The following TXLNG variants were observed in gnomAD, a reference collection of about 807,000 sequenced individuals.
TXLNG encodes the protein gamma-taxilin.
In TXLNG, 5 loss-of-function variants were observed where a neutral mutation model predicts 38.8. The ratio of observed to expected loss-of-function variants is 0.13; its 90% confidence interval spans 0.07 to 0.27. The LOEUF (loss-of-function observed/expected upper bound fraction) is 0.27. Ranked by LOEUF, TXLNG falls within the 10% of genes least tolerant of loss-of-function variation. The pLI is 1.00. For synonymous variants in TXLNG, 182 were observed against 158.2 expected (o/e 1.15, Z -1.13); for missense variants, 393 against 398.2 (o/e 0.99, Z 0.11).
At chrX:16,797,295 A>G (rs1038887712) in intron 1 of TXLNG, among the ~76,000 whole-genome samples, 6 of 111,006 alleles carry the variant, frequency 5.4e-5, no homozygotes, top group African/African-American at 1.3e-4. Flanking sequence ...AAAAAAAAAA[A>G]AAGAAGAAAT....
intron 3 of TXLNG, among the ~76,000 whole-genome samples, chrX:16,824,472 A>G (rs1929097965): frequency 8.9e-6 from 1 of 112,393 alleles, no homozygotes; most frequent in Non-Finnish European, 1.9e-5. Flanking sequence ...ATTTGTAGAT[A>G]TTATTTTGAT....
intron 3 of TXLNG, among the ~76,000 whole-genome samples, chrX:16,827,684 C>T (rs1205540531): frequency 9.0e-6 from 1 of 111,514 alleles, no homozygotes; most frequent in African/African-American, 3.3e-5. Context: ...GTCAAGAAAG[C>T]CAGAGATTCA....
At chrX:16,790,430 A>G (rs1264865916) in intron 1 of TXLNG, among the ~76,000 whole-genome samples, 4 of 109,524 alleles carry the variant, frequency 3.7e-5, no homozygotes, top group Non-Finnish European at 5.7e-5. Flanking sequence ...TTGAACTCCT[A>G]GGCTCAGGCG....
At chrX:16,840,383 A>G (rs768712303) in intron 9 of TXLNG, 2 of 715,671 alleles carry the variant, frequency 2.8e-6, no homozygotes, top group Non-Finnish European at 3.3e-6. Context: ...TTCTAGCTTG[A>G]CTTATTAGGC....
At chrX:16,815,776 C>T (rs1460993876) in intron 1 of TXLNG, among the ~76,000 whole-genome samples, 1 of 110,644 alleles carries the variant, frequency 9.0e-6, no homozygotes, top group Admixed American at 9.6e-5. Context: ...CGTCTCGTCT[C>T]GGTCTCCCAA....
intron 1 of TXLNG, among the ~76,000 whole-genome samples, chrX:16,817,540 G>T (rs1248366806): frequency 8.9e-6 from 1 of 111,957 alleles, no homozygotes; most frequent in Non-Finnish European, 1.9e-5. Flanking sequence ...TTTGTGATAA[G>T]AGAAGGATAC....
intron 1 of TXLNG, among the ~76,000 whole-genome samples, chrX:16,798,800 A>G (rs182497301): frequency 9.2e-6 from 1 of 108,818 alleles, no homozygotes; most frequent in African/African-American, 3.4e-5. Flanking sequence ...CTGGTCTCCA[A>G]CTCCTGGGCT....
chrX:16,818,506 C>A, intron 1 of TXLNG, 68 bp from the exon 2 acceptor site: 1 of 1,110,991 alleles, frequency 9.0e-7, no homozygotes, highest in Non-Finnish European at 1.2e-6. Flanking sequence ...TGTTCCATTG[C>A]TTGTAAACAT....
chrX:16,828,350 G>A, intron 4 of TXLNG, 86 bp downstream of exon 4: 2 of 948,851 alleles, frequency 2.1e-6, no homozygotes, highest in Non-Finnish European at 2.8e-6. Flanking sequence ...ATAAATCCTT[G>A]TCTCTACTTG....
chrX:16,806,916 C>CAA (rs1182577038), intron 1 of TXLNG, among the ~76,000 whole-genome samples: 21 of 38,867 alleles, frequency 5.4e-4, no homozygotes, highest in African/African-American at 1.4e-3. Flanking sequence ...GACTCTGTCT[C>CAA]AAAAAAAAAA....
intron 1 of TXLNG, among the ~76,000 whole-genome samples, chrX:16,810,685 T>C (rs1928479170): frequency 8.9e-6 from 1 of 112,318 alleles, no homozygotes; most frequent in South Asian, 3.6e-4. Flanking sequence ...AAAATAGTGG[T>C]ATTTTCATTT....
Position 16,820,275 on chromosome X carries a change from T to C in TXLNG, c.498+20T>C. ...GATCTTGTGAGTATTAAGCCAAGGATGTGAGAGCCATATAAAATATAACAA... is the reference window on the plus strand; with the variant it reads ...GATCTTGTGAGTATTAAGCCAAGGACGTGAGAGCCATATAAAATATAACAA... On this transcript the variant is annotated intron_variant, in intron 3 of 9. Coordinates refer to ENST00000380122, the MANE Select transcript of TXLNG (RefSeq NM_018360.3). 8.8e-7 allele frequency: 1 copy of C among 1,133,621 alleles called. No homozygotes were observed. The allele number at this position is 1,133,621 out of a possible 1,213,427, so 93.4% of individuals were successfully genotyped here.
rs1929309863 is a variant in TXLNG at position 16,829,679 on chromosome X, A to G, written c.773A>G (p.His258Arg). The change falls in exon 5 of 10, where the codon CAT becomes CGT. Residue 258 changes from histidine to arginine, a missense_variant. Transcript: ENST00000380122. The stretch of plus-strand genomic sequence containing the variant: ...GAAATTCAAGCCCAGCTGGAGCAGC[A>G]TGACATCCACAACGCCAAACTCCGA... ...LNEIQAQLEQ[H>R]DIHNAKLRQE... is the part of the protein sequence containing the mutation. The G allele has an allele frequency of 8.3e-7, 1 of 1,210,536 alleles. No homozygotes were observed. Among genetic ancestry groups the G allele is most frequent in the Admixed American group, 2.2e-5 (1 of 45,779 alleles).
At chrX:16,834,627 C>T (rs967273387) in intron 7 of TXLNG, among the ~76,000 whole-genome samples, 1 of 111,539 alleles carries the variant, frequency 9.0e-6, no homozygotes, top group Non-Finnish European at 1.9e-5. Flanking sequence ...CAGCCTGGGA[C>T]GGTTAGTCAA....
Position 16,841,534 on chromosome X carries a change from T to C in TXLNG, c.1355T>C (p.Val452Ala). The C allele has an allele frequency of 1.7e-6, 2 of 1,211,331 alleles. No individual in the cohort carries two copies. Among genetic ancestry groups the C allele is most frequent in the Non-Finnish European group, 2.2e-6 (2 of 895,422 alleles). Residue 452 changes from valine to alanine, a missense_variant, in exon 10 of 10, where the codon GTG becomes GCG. Val to Ala is a moderately conservative substitution (Grantham distance 64, BLOSUM62 0). Transcript: ENST00000380122. ...QTERNELNEK[V>A]EVLKEQVSIK... ...GAAAGGAATGAGCTCAATGAGAAGG[T>C]GGAAGTCCTGAAAGAGCAGGTATCC...
At chrX:16,787,402 A>AT (rs1358376955) in intron 1 of TXLNG, among the ~76,000 whole-genome samples, 1 of 109,881 alleles carries the variant, frequency 9.1e-6, no homozygotes, top group Non-Finnish European at 1.9e-5. Flanking sequence ...TTCATTTATT[A>AT]TTTTTTTAAT....
chrX:16,836,936 A>G (rs1020588982), intron 7 of TXLNG, among the ~76,000 whole-genome samples: 1 of 110,955 alleles, frequency 9.0e-6, no homozygotes, highest in African/African-American at 3.3e-5. Context: ...AGCTTCCCCT[A>G]AGTATCCTGA....
intron 1 of TXLNG, among the ~76,000 whole-genome samples, chrX:16,818,306 A>G (rs1221441650): frequency 8.9e-6 from 1 of 111,736 alleles, no homozygotes; most frequent in Non-Finnish European, 1.9e-5. Context: ...GTGAATTTTT[A>G]TGTGGAAATC....
At chrX:16,812,396 C>CTT (rs58240070) in intron 1 of TXLNG, among the ~76,000 whole-genome samples, 2 of 86,724 alleles carry the variant, frequency 2.3e-5, no homozygotes, top group Non-Finnish European at 4.5e-5. Context: ...ATATTTATTC[C>CTT]TTTTTTTTTT....
Sources: gnomAD v4.1 joint callset for allele counts (sites outside exome capture counted in the v4.1 genomes callset) on GRCh38, gnomAD v4.1.1 for gene constraint, MANE v1.5 for transcripts, NCBI Gene and HGNC (gene_info 2026-07-23, HGNC 2026-07-21) for gene names.